DGKI: variants seen among roughly 807,000 people sequenced by gnomAD.
DGKI encodes DAG kinase iota.
DGKI carries 55 observed loss-of-function variants against 147.5 expected under a neutral mutation model. That is an observed-to-expected ratio of 0.37 (90% CI 0.30 to 0.47). DGKI has a LOEUF of 0.47. Among genes scored for constraint, DGKI ranks in the 20% least tolerant of loss-of-function variants. The probability of loss-of-function intolerance (pLI) is 1.00; values close to 1 mark genes in which losing one functional copy is unlikely to be tolerated. For synonymous variants in DGKI, 469 were observed against 477.1 expected (o/e 0.98, Z 0.22); for missense variants, 1,007 against 1,323.8 (o/e 0.76, Z 3.71).
chr7:137,456,862 T>A (rs1814225465), intron 27 of DGKI, among the ~76,000 whole-genome samples: 1 of 152,208 alleles, frequency 6.6e-6, no homozygotes, highest in South Asian at 2.1e-4. Flanking sequence ...ACTCTTCCAC[T>A]AACTGAACTT....
intron 10 of DGKI, among the ~76,000 whole-genome samples, chr7:137,606,000 T>C (rs892757783): frequency 5.3e-5 from 8 of 152,216 alleles, no homozygotes; most frequent in Admixed American, 1.3e-4. Context: ...TTTGAGGTGA[T>C]AGATGTGCTA....
chr7:137,764,687 T>G (rs1417286454), intron 1 of DGKI, among the ~76,000 whole-genome samples: 1 of 152,192 alleles, frequency 6.6e-6, no homozygotes, highest in East Asian at 1.9e-4. Flanking sequence ...TGGTACCTTT[T>G]GTCCTGTTTT....
chr7:137,598,195 CA>C (rs1259810053), intron 11 of DGKI, among the ~76,000 whole-genome samples: 2 of 152,066 alleles, frequency 1.3e-5, no homozygotes, highest in Non-Finnish European at 2.9e-5. Context: ...TATTATATGT[CA>C]ACATTATTTT....
chr7:137,718,701 G>A (rs1031335371), intron 1 of DGKI, among the ~76,000 whole-genome samples: 5 of 152,178 alleles, frequency 3.3e-5, no homozygotes, highest in African/African-American at 1.2e-4. Context: ...TCCTTGAGGT[G>A]AGCACAACAG....
At chr7:137,642,653 G>C (rs1821672040) in intron 6 of DGKI, among the ~76,000 whole-genome samples, 1 of 152,092 alleles carries the variant, frequency 6.6e-6, no homozygotes, top group Non-Finnish European at 1.5e-5. Flanking sequence ...AACGTTAAAG[G>C]AACTGAGCAA....
chr7:137,620,715 C>T (rs966996624), intron 7 of DGKI, among the ~76,000 whole-genome samples: 1 of 152,126 alleles, frequency 6.6e-6, no homozygotes, highest in Non-Finnish European at 1.5e-5. Context: ...CTGTATACCC[C>T]AACAGTGACA....
intron 28 of DGKI, among the ~76,000 whole-genome samples, chr7:137,424,236 T>G (rs1812690669): frequency 6.6e-6 from 1 of 152,200 alleles, no homozygotes; most frequent in Non-Finnish European, 1.5e-5. Context: ...GCCCAAGACA[T>G]AAAACATTAA....
chr7:137,435,979 G>T (rs1047096994), intron 28 of DGKI, among the ~76,000 whole-genome samples: 1 of 152,098 alleles, frequency 6.6e-6, no homozygotes, highest in Non-Finnish European at 1.5e-5. Flanking sequence ...GAGGTTTCAC[G>T]ATGTTGGCTA....
chr7:137,762,041 A>G (rs1203699276), intron 1 of DGKI, among the ~76,000 whole-genome samples: 1 of 152,144 alleles, frequency 6.6e-6, no homozygotes, highest in African/African-American at 2.4e-5. Flanking sequence ...GCTGTCTACT[A>G]TTACTGATTT....
intron 3 of DGKI, among the ~76,000 whole-genome samples, chr7:137,675,521 C>G (rs1364648121): frequency 2.6e-5 from 4 of 151,894 alleles, no homozygotes; most frequent in Non-Finnish European, 4.4e-5. Flanking sequence ...CCCGTCTCTA[C>G]TAAAAATACA....
intron 1 of DGKI, among the ~76,000 whole-genome samples, chr7:137,744,974 A>G (rs1235843451): frequency 6.6e-6 from 1 of 152,202 alleles, no homozygotes; most frequent in East Asian, 1.9e-4. Context: ...CCCCCTAATA[A>G]CTGGAACAAG....
intron 20 of DGKI, among the ~76,000 whole-genome samples, chr7:137,533,399 A>C (rs1371627447): frequency 2.0e-5 from 3 of 152,182 alleles, no homozygotes; most frequent in Non-Finnish European, 4.4e-5. Flanking sequence ...ACAATGAAAA[A>C]GAAAGAAAAT....
At chr7:137,735,146 C>T (rs1794987457) in intron 1 of DGKI, among the ~76,000 whole-genome samples, 1 of 152,062 alleles carries the variant, frequency 6.6e-6, no homozygotes, top group African/African-American at 2.4e-5. Context: ...CACGTCTGTC[C>T]CATTTAACAC....
In DGKI at chr7:137,625,483, T is replaced by A. The variant is rs1284168127; in HGVS notation, c.805-1929A>T. ...TCAAAAAAAATAATAAAATAAAAAA[T>A]TTAAAAAAAAATAAAGAAAGGCTGC... On this transcript the variant is annotated intron_variant, in intron 6 of 32. Coordinates refer to ENST00000614521, the MANE Select transcript of DGKI (RefSeq NM_001321708.2). Among the ~76,000 whole-genome samples, 8 of 151,474 alleles carry A rather than the reference T, an allele frequency of 5.3e-5. No individual in the cohort carries two copies. In the South Asian group the frequency reaches 1.7e-3, roughly 32 times the overall value.
chr7:137,801,952 T>C (rs1447038741), intron 1 of DGKI, among the ~76,000 whole-genome samples: 1 of 152,120 alleles, frequency 6.6e-6, no homozygotes, highest in Middle Eastern at 3.2e-3. Flanking sequence ...CACGTGTTCA[T>C]AGCAGCACAA....
chr7:137,771,598 C>T (rs1796198281), intron 1 of DGKI: 1 of 152,106 alleles, frequency 6.6e-6, no homozygotes, highest in Admixed American at 6.5e-5. Flanking sequence ...AAACATGCAT[C>T]TTTATCTCAA....
chr7:137,691,803 T>TTTTTG (rs1563152799), intron 1 of DGKI, among the ~76,000 whole-genome samples: 2 of 120,574 alleles, frequency 1.7e-5, no homozygotes, highest in African/African-American at 1.1e-4. Flanking sequence ...TTTGGGTTTT[T>TTTTTG]TTTTTTTTTT....
intron 20 of DGKI, among the ~76,000 whole-genome samples, chr7:137,522,626 T>C (rs1817001955): frequency 6.6e-6 from 1 of 152,124 alleles, no homozygotes; most frequent in Non-Finnish European, 1.5e-5. Context: ...TTTGAAAGAA[T>C]TCAATGCATA....
At chr7:137,601,353 C>G (rs1232483686) in intron 10 of DGKI, among the ~76,000 whole-genome samples, 1 of 152,066 alleles carries the variant, frequency 6.6e-6, no homozygotes, top group Admixed American at 6.6e-5. Flanking sequence ...GTAGGATGCC[C>G]CATTTTATCA....
Sources: allele counts gnomAD v4.1 joint callset (sites outside exome capture counted in the v4.1 genomes callset), GRCh38; gene constraint gnomAD v4.1.1; transcripts MANE v1.5; gene names NCBI Gene and HGNC (gene_info 2026-07-23, HGNC 2026-07-21).